Variants in GPR174 observed in about 807,000 individuals in gnomAD.
GPR174 encodes G protein-coupled receptor 174.
Under a neutral mutation model 16.5 loss-of-function variants are expected in GPR174, and 8 were observed. The observed-to-expected ratio is 0.48, with a 90% CI of 0.28 to 0.87. The LOEUF (loss-of-function observed/expected upper bound fraction) is 0.87. GPR174 is among the 40% of genes least tolerant of loss of function. GPR174 has a pLI of 0.09. For synonymous variants in GPR174, 111 were observed against 94.8 expected, an observed-to-expected ratio of 1.17 and a Z score of -0.99; for missense variants, 214 against 247.5, an observed-to-expected ratio of 0.86 and a Z score of 0.91.
At chrX:79,150,797 C>A (rs1926586558) in intron 1 of GPR174, among the ~76,000 whole-genome samples, 1 of 111,680 alleles carries the variant, frequency 9.0e-6, no homozygotes, top group Non-Finnish European at 1.9e-5. Context: ...AATTCTGAGC[C>A]TTTGGCCTTT....
At chrX:79,158,056 T>C (rs1175917775) in intron 2 of GPR174, among the ~76,000 whole-genome samples, 1 of 106,345 alleles carries the variant, frequency 9.4e-6, no homozygotes, top group African/African-American at 3.4e-5. Flanking sequence ...AAAGTAATTG[T>C]GGTTTTTGCA....
At chrX:79,164,578 G>T (rs1921311871) in intron 2 of GPR174, among the ~76,000 whole-genome samples, 1 of 111,761 alleles carries the variant, frequency 8.9e-6, no homozygotes, top group African/African-American at 3.3e-5. Flanking sequence ...CACAATACTG[G>T]TTCTTTGCAT....
At position 79,144,996 on chromosome X, in the gene GPR174, C is replaced by T. The variant is rs12850659; in HGVS notation, c.-875C>T. 8 of 72,121 alleles carry T rather than the reference C, an allele frequency of 1.1e-4. No individual in the cohort carries two copies. Among genetic ancestry groups the T allele is most frequent in the African/African-American group, 2.1e-4 (4 of 19,079 alleles). 5.9% of individuals were successfully genotyped at this position (72,121 alleles called of 1,213,427 possible). On this transcript the variant is annotated 5_prime_UTR_variant, in exon 1 of 3. Coordinates refer to ENST00000645147, the MANE Select transcript of GPR174 (RefSeq NM_032553.3). ...TCTTTCTTTTTCTTTCTTTCTTTCT[C>T]TCTCTCTCTCTTTCTTTCTTTCTTT...
chrX:79,167,356 A>T lies in GPR174; in HGVS notation c.-556-3096A>T, dbSNP rs542933832. On this transcript the variant is annotated intron_variant, in intron 2 of 2. Coordinates refer to ENST00000645147, the MANE Select transcript of GPR174 (RefSeq NM_032553.3). ...AATACACATTTTTAATAAGCACTCCAATTAGCCCTGGCGCCAAATTTTGAG... is the reference window on the plus strand; with the variant it reads ...AATACACATTTTTAATAAGCACTCCTATTAGCCCTGGCGCCAAATTTTGAG... Among the ~76,000 whole-genome samples the T allele has an allele frequency of 3.8e-4, 42 of 111,857 alleles. No homozygotes were observed. The South Asian group carries it at 0.016, about 42-fold the overall frequency.
intron 1 of GPR174, among the ~76,000 whole-genome samples, chrX:79,151,694 A>T (rs1381309449): frequency 3.6e-5 from 4 of 111,811 alleles, no homozygotes; most frequent in African/African-American, 1.3e-4. Flanking sequence ...GAGGCGGGGA[A>T]TAGGGAATAA....
At position 79,145,168 on chromosome X, in the gene GPR174, C is replaced by T. The variant is rs1183096774; in HGVS notation, c.-703C>T. The T allele has an allele frequency of 9.1e-6, 1 of 109,884 alleles. No individual in the cohort carries two copies. The highest frequency in any genetic ancestry group is 4.2e-3 in the Middle Eastern group (1 of 239). 9.1% of individuals were successfully genotyped at this position (109,884 alleles called of 1,213,427 possible). ...GTAGCATCCTTTTTGGAGTGGCCAT[C>T]ACATGAATTCTTTGGAGATCTCTGA... On this transcript the variant is annotated 5_prime_UTR_variant, in exon 1 of 3. Transcript: ENST00000645147.
intron 2 of GPR174, among the ~76,000 whole-genome samples, chrX:79,166,981 A>T (rs916805136): frequency 6.6e-4 from 74 of 111,744 alleles, no homozygotes; most frequent in African/African-American, 2.2e-3. Context: ...GTATAATCAC[A>T]ACTAGGCAAG....
intron 2 of GPR174, among the ~76,000 whole-genome samples, chrX:79,165,746 A>T (rs956106892): frequency 1.8e-5 from 2 of 110,405 alleles, no homozygotes; most frequent in African/African-American, 6.6e-5. Flanking sequence ...AGGTTGGTTT[A>T]CTCCTCCCTT....
At position 79,171,089 on chromosome X, in the gene GPR174, G is replaced by A; in HGVS notation, c.82G>A (p.Val28Ile). ...RYFIYAVTYT[V>I]ILVPGLIGNI... Reference sequence around the variant, plus strand: ...CTTTATTTATGCAGTGACATACACTGTCATTCTTGTGCCAGGTCTCATAGG... The same window carrying A: ...CTTTATTTATGCAGTGACATACACTATCATTCTTGTGCCAGGTCTCATAGG... Residue 28 changes from valine (V) to isoleucine (I), a missense_variant, in exon 3 of 3, where the codon GTC becomes ATC. Val to Ile is a conservative substitution (Grantham distance 29). Transcript: ENST00000645147. 8.3e-7 allele frequency: 1 copy of A among 1,207,459 alleles called. No individual in the cohort carries two copies. The highest frequency in any genetic ancestry group is 1.1e-6 in the Non-Finnish European group (1 of 891,854).
intron 2 of GPR174, among the ~76,000 whole-genome samples, chrX:79,159,967 C>T (rs1287371355): frequency 8.9e-6 from 1 of 111,771 alleles, no homozygotes; most frequent in Non-Finnish European, 1.9e-5. Context: ...ACTTTTCACT[C>T]TCAGTCTATG....
At chrX:79,153,396 GAGC>G (rs950893840) in intron 1 of GPR174, among the ~76,000 whole-genome samples, 2 of 111,729 alleles carry the variant, frequency 1.8e-5, no homozygotes, top group Non-Finnish European at 1.9e-5. Flanking sequence ...TAGCAAACTG[GAGC>G]AGCAGGAAAT....
Position 79,171,437 on chromosome X carries a change from A to T in GPR174, c.430A>T (p.Ile144Phe), listed in dbSNP as rs746848224. The change falls in exon 3 of 3, where the codon ATC (isoleucine) becomes TTC (phenylalanine). Residue 144 changes from isoleucine to phenylalanine, a missense_variant. Transcript: ENST00000645147. ...GTACATCAGCATTGCTGGCTGGCTGATCATCTGCCTTGCCTGTGTACTCTT... is the reference window on the plus strand; with the variant it reads ...GTACATCAGCATTGCTGGCTGGCTGTTCATCTGCCTTGCCTGTGTACTCTT... ...DLYISIAGWL[I>F]ICLACVLFPL... is the part of the protein sequence containing the mutation. 2 of 1,209,541 alleles carry T rather than the reference A, an allele frequency of 1.7e-6. No individual in the cohort carries two copies. Among genetic ancestry groups the T allele is most frequent in the Non-Finnish European group, 2.2e-6 (2 of 894,989 alleles).
intron 2 of GPR174, among the ~76,000 whole-genome samples, chrX:79,163,497 A>AT (rs1921284002): frequency 9.0e-6 from 1 of 111,459 alleles, no homozygotes; most frequent in Admixed American, 9.5e-5. Flanking sequence ...GGAAGAAGGG[A>AT]TTTTTCTCAG....
At chrX:79,154,657 T>A (rs999893780) in intron 1 of GPR174, among the ~76,000 whole-genome samples, 1 of 111,005 alleles carries the variant, frequency 9.0e-6, no homozygotes, top group Non-Finnish European at 1.9e-5. Context: ...TCAAACTTTC[T>A]ACTAAACTTA....
rs188276090 is a variant in GPR174 at position 79,151,389 on chromosome X, G to T, written c.-653-5433G>T. Among the ~76,000 whole-genome samples, 428 of 111,209 alleles carry T rather than the reference G, an allele frequency of 3.8e-3. 1 individual carries two copies. The highest frequency in any genetic ancestry group is 0.013 in the African/African-American group (394 of 30,661). On this transcript the variant is annotated intron_variant, in intron 1 of 2. Transcript: ENST00000645147. ...AGGAAGGATTAGCATACAAAAAGAT[G>T]TGTATATTTAATATATATAACTTGG...
intron 2 of GPR174, among the ~76,000 whole-genome samples, chrX:79,169,400 ATC>A (rs1346480245): frequency 9.0e-6 from 1 of 111,702 alleles, no homozygotes; most frequent in East Asian, 2.8e-4. Context: ...TACCTGAGAA[ATC>A]TCGGGTATTT....
chrX:79,149,230 C>T (rs1296389964), intron 1 of GPR174, among the ~76,000 whole-genome samples: 4 of 111,913 alleles, frequency 3.6e-5, no homozygotes, highest in African/African-American at 1.3e-4. Flanking sequence ...ACTTTTTTCT[C>T]CACATCCTTA....
rs763854578 is a variant in GPR174, at chrX:79,172,178, C to A, written c.*169C>A. The A allele has an allele frequency of 2.2e-6, 1 of 451,668 alleles. No homozygotes were observed. The highest frequency in any genetic ancestry group is 4.8e-5 in the Admixed American group (1 of 20,714). 37.2% of individuals were successfully genotyped at this position (451,668 alleles called of 1,213,427 possible). A position where few individuals can be genotyped will look rare whatever the true frequency, so the allele number is the denominator to read the frequency against. On this transcript the variant is annotated 3_prime_UTR_variant, in exon 3 of 3. Coordinates refer to ENST00000645147, the MANE Select transcript of GPR174 (RefSeq NM_032553.3). ...AAAGCAGGACCTATTTGGAGCATTACGATCCACGATTATTGATGTTGACAT... is the reference window on the plus strand; with the variant it reads ...AAAGCAGGACCTATTTGGAGCATTAAGATCCACGATTATTGATGTTGACAT...
intron 2 of GPR174, among the ~76,000 whole-genome samples, chrX:79,161,936 G>C (rs960438005): frequency 4.5e-5 from 5 of 111,633 alleles, no homozygotes; most frequent in Non-Finnish European, 9.4e-5. Context: ...TTCTTCAACT[G>C]ACTTGCTTTC....
Sources: gnomAD v4.1 joint callset for allele counts (sites outside exome capture counted in the v4.1 genomes callset) on GRCh38, gnomAD v4.1.1 for gene constraint, MANE v1.5 for transcripts, NCBI Gene and HGNC (gene_info 2026-07-23, HGNC 2026-07-21) for gene names.